Variants in LRP1B observed in about 807,000 individuals in gnomAD.
LRP1B encodes low-density lipoprotein receptor-related protein 1B.
A neutral mutation model predicts 556.6 loss-of-function variants in LRP1B; 217 were observed. The ratio of observed to expected loss-of-function variants is 0.39; its 90% confidence interval spans 0.35 to 0.44. The LOEUF is 0.44. Among genes scored for constraint, LRP1B ranks in the 20% least tolerant of loss-of-function variants. The pLI, the probability that LRP1B is intolerant of heterozygous loss-of-function variation, is 1.00. For missense variants in LRP1B, 5,053 were observed against 5,620.8 expected (o/e 0.90, Z 3.23); for synonymous variants, 2,047 against 1,865.8 (o/e 1.10, Z -2.50).
chr2:141,985,593 C>G (rs887354182), intron 1 of LRP1B, among the ~76,000 whole-genome samples: 1 of 151,696 alleles, frequency 6.6e-6, no homozygotes, highest in African/African-American at 2.4e-5. Flanking sequence ...ACAAATTTTC[C>G]CTTTAGCACA....
At chr2:141,021,854 C>A (rs568456710) in intron 11 of LRP1B, among the ~76,000 whole-genome samples, 4 of 152,068 alleles carry the variant, frequency 2.6e-5, no homozygotes, top group African/African-American at 4.8e-5. Context: ...TTACAAAGGG[C>A]AAGCTATTAA....
intron 15 of LRP1B, among the ~76,000 whole-genome samples, chr2:141,001,642 G>A (rs550984075): frequency 4.6e-5 from 7 of 152,024 alleles, no homozygotes; most frequent in Admixed American, 2.6e-4. Context: ...TTGCTCCTGC[G>A]GCACAGACTA....
chr2:142,040,444 T>A (rs1168510135), intron 1 of LRP1B, among the ~76,000 whole-genome samples: 1 of 151,376 alleles, frequency 6.6e-6, no homozygotes, highest in African/African-American at 2.4e-5. Flanking sequence ...CAATCCCTTA[T>A]CTCTTTTTTA....
intron 84 of LRP1B, among the ~76,000 whole-genome samples, chr2:140,287,752 T>C (rs756198851): frequency 6.6e-6 from 1 of 151,630 alleles, no homozygotes; most frequent in African/African-American, 2.4e-5. Flanking sequence ...ACTTAAGGTG[T>C]ATCTGATTCT....
chr2:141,680,458 A>G (rs1691062588), intron 2 of LRP1B, among the ~76,000 whole-genome samples: 2 of 152,196 alleles, frequency 1.3e-5, no homozygotes, highest in African/African-American at 2.4e-5. Context: ...GGAACATAGG[A>G]AGAAATGGAA....
chr2:141,455,559 G>A (rs1053934002), intron 3 of LRP1B, among the ~76,000 whole-genome samples: 2 of 150,120 alleles, frequency 1.3e-5, no homozygotes, highest in African/African-American at 4.9e-5. Flanking sequence ...CAAAAAGATG[G>A]AGATGGGGAC....
intron 21 of LRP1B, among the ~76,000 whole-genome samples, chr2:140,918,830 G>T (rs1395348678): frequency 6.6e-6 from 1 of 152,004 alleles, no homozygotes; most frequent in Non-Finnish European, 1.5e-5. Flanking sequence ...AGGTTTCCCA[G>T]TTCTTGATCT....
chr2:141,511,328 A>G (rs1297424742), intron 2 of LRP1B, among the ~76,000 whole-genome samples: 2 of 152,168 alleles, frequency 1.3e-5, no homozygotes, highest in East Asian at 1.9e-4. Context: ...TGGCTTATCT[A>G]CCATAATCCA....
chr2:141,327,123 C>A (rs941109058), intron 3 of LRP1B, among the ~76,000 whole-genome samples: 4 of 152,016 alleles, frequency 2.6e-5, no homozygotes, highest in Admixed American at 2.6e-4. Flanking sequence ...ACTTCTGGAT[C>A]CAGTAACTGG....
In LRP1B at chr2:141,965,755, AT is replaced by A. The variant is rs1179540785; in HGVS notation, c.83-155355del. Among the ~76,000 whole-genome samples, 328 of 64,188 alleles carry A rather than the reference AT, an allele frequency of 5.1e-3. 1 individual carries two copies. The highest frequency in any genetic ancestry group is 0.011 in the African/African-American group (296 of 28,002). 42.1% of individuals were successfully genotyped at this position (64,188 alleles called of 152,430 possible). A position where few individuals can be genotyped will look rare whatever the true frequency, so the allele number is the denominator to read the frequency against. On this transcript the variant is annotated intron_variant, in intron 1 of 90. Coordinates refer to ENST00000389484, the MANE Select transcript of LRP1B (RefSeq NM_018557.3). Reference sequence around the variant, plus strand: ...AAAACTTAAAGTAGAATTAAAAAAAATAATAATAATAGTAATAATAAATAAA... The same window carrying A: ...AAAACTTAAAGTAGAATTAAAAAAAAAATAATAATAGTAATAATAAATAAA...
At chr2:140,331,280 A>T (rs1680798381) in intron 79 of LRP1B, among the ~76,000 whole-genome samples, 1 of 152,128 alleles carries the variant, frequency 6.6e-6, no homozygotes, top group Admixed American at 6.6e-5. Context: ...AGGGACGTGG[A>T]TGCAGCTTGA....
chr2:141,140,884 A>T (rs1413162872), intron 7 of LRP1B, among the ~76,000 whole-genome samples: 1 of 152,052 alleles, frequency 6.6e-6, no homozygotes, highest in Non-Finnish European at 1.5e-5. Context: ...AATTATAAAT[A>T]AGCACTTATA....
intron 1 of LRP1B, among the ~76,000 whole-genome samples, chr2:141,892,335 TTGAAA>T (rs1699316383): frequency 6.6e-6 from 1 of 151,994 alleles, no homozygotes; most frequent in East Asian, 1.9e-4. Flanking sequence ...TTTAACTTGC[TTGAAA>T]TAAGATATGA....
rs1366432463 is a variant in LRP1B at position 141,062,237 on chromosome 2, T to A, written c.1050A>T (p.Lys350Asn). Residue 350 changes from lysine (K) to asparagine (N), a missense_variant, in exon 8 of 91, where the codon AAA becomes AAT. Around this residue, in one of 5 missense-constraint regions of LRP1B, gnomAD observed 3,619 missense variants for 3,931.9 expected, o/e 0.92. Coordinates refer to ENST00000389484, the MANE Select transcript of LRP1B (RefSeq NM_018557.3). ...LFFTDYGNVA[K>N]VERCDMDGMN... ...TCCCATCCATGTCACATCTCTCCAC[T>A]TTGGCGACATTCCCGTAGTCAGTAA... 1 of 1,611,148 alleles carries A rather than the reference T, an allele frequency of 6.2e-7. No individual in the cohort carries two copies.
At chr2:140,422,990 C>T (rs1013171279) in intron 66 of LRP1B, among the ~76,000 whole-genome samples, 2 of 152,002 alleles carry the variant, frequency 1.3e-5, no homozygotes, top group Non-Finnish European at 2.9e-5. Flanking sequence ...TGAAAATTAC[C>T]GAGTCACAGC....
intron 3 of LRP1B, among the ~76,000 whole-genome samples, chr2:141,284,649 T>G (rs915106407): frequency 1.3e-5 from 2 of 152,222 alleles, no homozygotes; most frequent in African/African-American, 4.8e-5. Flanking sequence ...TTGTGTGTAG[T>G]ATAAACAGAA....
In LRP1B at chr2:140,442,630, A is replaced by G. The variant is rs761932637; in HGVS notation, c.10295-7T>C. The G allele has an allele frequency of 8.1e-6, 13 of 1,611,720 alleles. No individual in the cohort carries two copies. Among genetic ancestry groups the G allele is most frequent in the Non-Finnish European group, 1.0e-5 (12 of 1,179,228 alleles). On this transcript the variant is annotated splice_polypyrimidine_tract_variant and splice_region_variant and intron_variant, in intron 65 of 90. Coordinates refer to ENST00000389484, the MANE Select transcript of LRP1B (RefSeq NM_018557.3). ...GGAGAACAGCTGTTTTCAGCTTAGA[A>G]AGAAAACTGCCATTAAAATGTAGCT...
intron 6 of LRP1B, among the ~76,000 whole-genome samples, chr2:141,204,416 G>T (rs890407546): frequency 3.3e-5 from 5 of 152,114 alleles, no homozygotes; most frequent in Non-Finnish European, 7.3e-5. Context: ...CCGGATTTGG[G>T]ATGGTCCTGC....
intron 1 of LRP1B, among the ~76,000 whole-genome samples, chr2:142,085,540 G>A (rs1252377884): frequency 6.6e-6 from 1 of 152,030 alleles, no homozygotes; most frequent in Non-Finnish European, 1.5e-5. Context: ...GGCACAAATT[G>A]AGTATATTCC....
Sources: allele counts gnomAD v4.1 joint callset (sites outside exome capture counted in the v4.1 genomes callset), GRCh38; gene constraint gnomAD v4.1.1; regional missense constraint gnomAD v4.1.1; transcripts MANE v1.5; gene names NCBI Gene and HGNC (gene_info 2026-07-23, HGNC 2026-07-21).